KLRG2: variants seen among roughly 807,000 people sequenced by gnomAD.
KLRG2 encodes killer cell lectin-like receptor subfamily G member 2.
Under a neutral mutation model 35.4 loss-of-function variants are expected in KLRG2, and 39 were observed. The observed-to-expected ratio is 1.10, with a 90% CI of 0.85 to 1.44. The LOEUF is 1.44. Ranked by LOEUF, KLRG2 falls within the 40% of genes most tolerant of loss-of-function variation. The pLI is 0.00. For missense variants in KLRG2, 632 were observed against 570.9 expected, an observed-to-expected ratio of 1.11 and a Z score of -1.09; for synonymous variants, 283 against 265.8, an observed-to-expected ratio of 1.06 and a Z score of -0.63.
chr7:139,457,352 AGGGCTC>A (rs1245762774), intron 3 of KLRG2, among the ~76,000 whole-genome samples: 1 of 152,118 alleles, frequency 6.6e-6, no homozygotes, highest in Non-Finnish European at 1.5e-5. Context: ...AAGGCACACC[AGGGCTC>A]AGTGCCTCTT....
chr7:139,449,715 TTTG>T (rs1334445818), downstream of KLRG2, among the ~76,000 whole-genome samples: 1 of 142,294 alleles, frequency 7.0e-6, no homozygotes, highest in African/African-American at 2.7e-5. Flanking sequence ...TTTTTTTTTT[TTTG>T]AGACGGAGTC....
the KLRG2 span, among the ~76,000 whole-genome samples, chr7:139,445,781 G>A: frequency 1.1e-3 from 113 of 98,384 alleles, 4 homozygotes; most frequent in African/African-American, 7.7e-3. Flanking sequence ...ATATATATAT[G>A]TATATATATA....
In KLRG2 at chr7:139,480,238, A is replaced by T; in HGVS notation, c.767T>A (p.Met256Lys). The T allele has an allele frequency of 1.2e-6, 2 of 1,602,712 alleles. No homozygotes were observed. The highest frequency in any genetic ancestry group is 1.7e-6 in the Non-Finnish European group (2 of 1,169,892). The change falls in exon 2 of 5, where the codon ATG becomes AAG. Residue 256 changes from methionine (M) to lysine (K), a missense_variant. Physicochemically the swap from Met to Lys is moderately conservative, Grantham distance 95. Transcript: ENST00000340940. ...PRAVTLTGLP[M>K]YVKSLYWALA... ...GGCCCAGTACAGGGACTTCACGTACATGGGTAGCCCTGGGACGGGGGCAAA... is the reference window on the plus strand; with the variant it reads ...GGCCCAGTACAGGGACTTCACGTACTTGGGTAGCCCTGGGACGGGGGCAAA...
chr7:139,438,123 C>T, the KLRG2 span, among the ~76,000 whole-genome samples: 3 of 152,386 alleles, frequency 2.0e-5, no homozygotes, highest in East Asian at 5.8e-4. Flanking sequence ...AGGGCTGCTC[C>T]AGCCAAGGCC....
chr7:139,431,763 C>CTT, the KLRG2 span, among the ~76,000 whole-genome samples: 1 of 152,092 alleles, frequency 6.6e-6, no homozygotes, highest in Non-Finnish European at 1.5e-5. Context: ...GCAGACCAAC[C>CTT]TACTGTGTAG....
At chr7:139,428,582 T>C in the KLRG2 span, among the ~76,000 whole-genome samples, 2 of 152,174 alleles carry the variant, frequency 1.3e-5, no homozygotes, top group African/African-American at 4.8e-5. Flanking sequence ...GATTTCTTGA[T>C]ATTTTTGTTC....
chr7:139,464,705 G>A (rs190156794), intron 3 of KLRG2, among the ~76,000 whole-genome samples: 13 of 152,204 alleles, frequency 8.5e-5, no homozygotes, highest in Admixed American at 4.6e-4. Flanking sequence ...AGCCAGGACC[G>A]CGCCCTGTAG....
the KLRG2 span, among the ~76,000 whole-genome samples, chr7:139,427,598 C>A: frequency 4.6e-5 from 7 of 152,182 alleles, no homozygotes; most frequent in Non-Finnish European, 1.0e-4. Context: ...GGCTTAAACT[C>A]TGAAGGGACC....
chr7:139,432,619 G>A, the KLRG2 span, among the ~76,000 whole-genome samples: 51 of 147,770 alleles, frequency 3.5e-4, no homozygotes, highest in Admixed American at 3.2e-3. Flanking sequence ...GTGTGATCTC[G>A]GTTCAGTGCA....
At chr7:139,427,899 G>T in the KLRG2 span, among the ~76,000 whole-genome samples, 1 of 152,174 alleles carries the variant, frequency 6.6e-6, no homozygotes, top group African/African-American at 2.4e-5. Flanking sequence ...GTTACTCGAA[G>T]GGACCATATT....
intron 3 of KLRG2, among the ~76,000 whole-genome samples, chr7:139,467,227 C>T (rs1021110192): frequency 7.9e-5 from 12 of 152,114 alleles, no homozygotes; most frequent in African/African-American, 2.2e-4. Flanking sequence ...CCAAAATTTT[C>T]GCCGCCCCAA....
chr7:139,438,863 C>T, the KLRG2 span, among the ~76,000 whole-genome samples: 18 of 151,684 alleles, frequency 1.2e-4, no homozygotes, highest in Admixed American at 2.6e-4. Flanking sequence ...TTAGTAGAGA[C>T]GGTATTTCTC....
chr7:139,481,824 G>A (rs1448225640), intron 1 of KLRG2, among the ~76,000 whole-genome samples: 1 of 152,078 alleles, frequency 6.6e-6, no homozygotes, highest in Non-Finnish European at 1.5e-5. Flanking sequence ...CTCGGGAGGA[G>A]GCTGAGGCAG....
intron 3 of KLRG2, among the ~76,000 whole-genome samples, chr7:139,459,783 C>G (rs1357193867): frequency 6.6e-6 from 1 of 151,488 alleles, no homozygotes; most frequent in African/African-American, 2.4e-5. Flanking sequence ...CGGAGTTTTA[C>G]TCTTCTTGCC....
At chr7:139,448,311 T>A (rs897365557), downstream of KLRG2, among the ~76,000 whole-genome samples, 3 of 152,176 alleles carry the variant, frequency 2.0e-5, no homozygotes, top group African/African-American at 7.2e-5. Flanking sequence ...TTCTCCTTTT[T>A]ATAAAACCTC....
chr7:139,453,524 C>A lies in KLRG2; in HGVS notation c.*63G>T, dbSNP rs1476209264. ...AGGAAGAGGCTGCCCAAGCTCTCAA[C>A]TGGCCTCCCCTGTAGGGGGTGCTGC... On this transcript the variant is annotated 3_prime_UTR_variant, in exon 5 of 5. Coordinates refer to ENST00000340940, the MANE Select transcript of KLRG2 (RefSeq NM_198508.4). 1.3e-6 allele frequency: 2 copies of A among 1,534,004 alleles called. No individual in the cohort carries two copies. Among genetic ancestry groups the A allele is most frequent in the African/African-American group, 1.4e-5 (1 of 72,680 alleles).
At chr7:139,450,717 G>GT (rs1476519495), downstream of KLRG2, among the ~76,000 whole-genome samples, 1 of 152,204 alleles carries the variant, frequency 6.6e-6, no homozygotes, top group African/African-American at 2.4e-5. Context: ...GGATGTTGCT[G>GT]TTTTTAACTC....
chr7:139,469,607 G>A (rs549773383), intron 3 of KLRG2, among the ~76,000 whole-genome samples: 103 of 151,562 alleles, frequency 6.8e-4, no homozygotes, highest in African/African-American at 2.4e-3. Context: ...ACCATGTCCC[G>A]CTAATTTTGT....
intron 3 of KLRG2, among the ~76,000 whole-genome samples, chr7:139,465,581 A>G (rs1181585084): frequency 6.6e-6 from 1 of 151,340 alleles, no homozygotes; most frequent in Non-Finnish European, 1.5e-5. Context: ...AGTCCCAGCT[A>G]CTCCAGAGGC....
Sources: allele counts gnomAD v4.1 joint callset (sites outside exome capture counted in the v4.1 genomes callset), GRCh38; gene constraint gnomAD v4.1.1; transcripts MANE v1.5; gene names NCBI Gene and HGNC (gene_info 2026-07-23, HGNC 2026-07-21).